The following RAB3B variants were observed in gnomAD, a reference collection of about 807,000 sequenced individuals.
The protein encoded by RAB3B is RAB3B, member RAS oncogene family.
RAB3B carries 11 observed loss-of-function variants against 20.5 expected under a neutral mutation model. The observed-to-expected ratio is 0.54, with a 90% CI of 0.34 to 0.89. The LOEUF (loss-of-function observed/expected upper bound fraction) is 0.89, where lower values mean the gene tolerates loss of function less well. RAB3B is among the 40% of genes least tolerant of loss of function. The probability of loss-of-function intolerance (pLI) is 0.02; values close to 1 mark genes in which losing one functional copy is unlikely to be tolerated. For missense variants in RAB3B, 225 were observed against 280.9 expected (o/e 0.80, Z 1.42); for synonymous variants, 99 against 106.3 (o/e 0.93, Z 0.42).
At chr1:51,980,117 T>A (rs936074912) in intron 1 of RAB3B, among the ~76,000 whole-genome samples, 1 of 151,864 alleles carries the variant, frequency 6.6e-6, no homozygotes, top group Non-Finnish European at 1.5e-5. Context: ...TTTCCTCCAA[T>A]ATTTTTTCAT....
At chr1:51,973,696 G>A (rs1364551923) in intron 2 of RAB3B, among the ~76,000 whole-genome samples, 2 of 152,266 alleles carry the variant, frequency 1.3e-5, no homozygotes, top group Admixed American at 6.5e-5. Flanking sequence ...TATCCATTAT[G>A]AGGTTTCATT....
intron 2 of RAB3B, among the ~76,000 whole-genome samples, chr1:51,966,576 G>T (rs1017246581): frequency 1.2e-4 from 19 of 152,182 alleles, no homozygotes; most frequent in African/African-American, 4.6e-4. Context: ...AATTACAGAG[G>T]CCAACTAAGC....
intron 2 of RAB3B, among the ~76,000 whole-genome samples, chr1:51,961,293 G>T (rs1286142510): frequency 6.6e-6 from 1 of 152,146 alleles, no homozygotes; most frequent in Non-Finnish European, 1.5e-5. Flanking sequence ...TGGTAGAAAA[G>T]GAGGGGAGCT....
At chr1:51,957,557 A>G (rs541499483) in intron 2 of RAB3B, among the ~76,000 whole-genome samples, 2 of 152,342 alleles carry the variant, frequency 1.3e-5, no homozygotes, top group Admixed American at 6.5e-5. Flanking sequence ...TAACTGCAAA[A>G]CAGGTTTCAT....
At chr1:51,937,480 C>A in intron 2 of RAB3B, 68 bp from the exon 3 acceptor site, 3 of 1,040,610 alleles carry the variant, frequency 2.9e-6, no homozygotes, top group Non-Finnish European at 4.2e-6. Flanking sequence ...GTCCCCAGGA[C>A]AATTAACTAA....
Position 51,909,081 on chromosome 1 carries a change from T to G in RAB3B, c.*10846A>C, listed in dbSNP as rs948075596. The G allele has an allele frequency of 1.3e-5, 2 of 152,296 alleles. No individual in the cohort carries two copies. Among genetic ancestry groups the G allele is most frequent in the Non-Finnish European group, 2.9e-5 (2 of 68,116 alleles). 9.4% of individuals were successfully genotyped at this position (152,296 alleles called of 1,614,324 possible). A position where few individuals can be genotyped will look rare whatever the true frequency, so the allele number is the denominator to read the frequency against. ...CCCAGCATGTAGTGGCTGATTCTTCTTGGCTGCTTTTAGCCTCCAGAAGTT... is the reference window on the plus strand; with the variant it reads ...CCCAGCATGTAGTGGCTGATTCTTCGTGGCTGCTTTTAGCCTCCAGAAGTT... On this transcript the variant is annotated 3_prime_UTR_variant, in exon 5 of 5. Coordinates refer to ENST00000371655, the MANE Select transcript of RAB3B (RefSeq NM_002867.4).
intron 1 of RAB3B, among the ~76,000 whole-genome samples, chr1:51,986,718 G>T (rs1685156336): frequency 6.6e-6 from 1 of 152,212 alleles, no homozygotes; most frequent in Admixed American, 6.5e-5. Flanking sequence ...TGCACACACA[G>T]CATGGCTTTC....
At chr1:51,961,990 T>C (rs1684790459) in intron 2 of RAB3B, among the ~76,000 whole-genome samples, 1 of 152,180 alleles carries the variant, frequency 6.6e-6, no homozygotes, top group South Asian at 2.1e-4. Flanking sequence ...AAGGCCGGTC[T>C]CAAACACCTG....
chr1:51,972,939 T>G (rs537890878), intron 2 of RAB3B, among the ~76,000 whole-genome samples: 1 of 152,374 alleles, frequency 6.6e-6, no homozygotes, highest in South Asian at 2.1e-4. Flanking sequence ...TTATTAATTT[T>G]TAGATAGCCT....
At chr1:51,958,472 C>A (rs959395772) in intron 2 of RAB3B, among the ~76,000 whole-genome samples, 1 of 152,116 alleles carries the variant, frequency 6.6e-6, no homozygotes, top group Non-Finnish European at 1.5e-5. Context: ...GCCTGTAATC[C>A]TAGCACTTTG....
chr1:51,987,319 AG>A (rs1685165906), intron 1 of RAB3B, among the ~76,000 whole-genome samples: 1 of 152,228 alleles, frequency 6.6e-6, no homozygotes, highest in African/African-American at 2.4e-5. Context: ...GGCATTTGAA[AG>A]ATAAGCCCTG....
chr1:51,969,074 C>T (rs142949914), intron 2 of RAB3B, among the ~76,000 whole-genome samples: 94 of 152,304 alleles, frequency 6.2e-4, no homozygotes, highest in Middle Eastern at 6.8e-3. Context: ...GCAGGCAGAT[C>T]ACTTGAGCTC....
chr1:51,983,290 C>A (rs931034115), intron 1 of RAB3B, among the ~76,000 whole-genome samples: 1 of 151,960 alleles, frequency 6.6e-6, no homozygotes, highest in Non-Finnish European at 1.5e-5. Flanking sequence ...CCACTGCATT[C>A]CAGCTTGGGT....
At chr1:51,969,940 C>A (rs954260680) in intron 2 of RAB3B, among the ~76,000 whole-genome samples, 1 of 151,930 alleles carries the variant, frequency 6.6e-6, no homozygotes, top group African/African-American at 2.4e-5. Flanking sequence ...CATAGCCAGG[C>A]ACACCTGTAG....
At chr1:51,943,792 G>A (rs1389437537) in intron 2 of RAB3B, among the ~76,000 whole-genome samples, 2 of 152,222 alleles carry the variant, frequency 1.3e-5, no homozygotes, top group Non-Finnish European at 2.9e-5. Flanking sequence ...GGCTGAGAGA[G>A]GTGAAGGAAC....
intron 2 of RAB3B, among the ~76,000 whole-genome samples, chr1:51,974,199 T>C (rs188853529): frequency 7.9e-5 from 12 of 152,354 alleles, no homozygotes; most frequent in African/African-American, 2.6e-4. Flanking sequence ...CACATCCCCC[T>C]GTGCATGGAA....
intron 2 of RAB3B, among the ~76,000 whole-genome samples, chr1:51,947,471 T>G (rs1197444811): frequency 6.6e-6 from 1 of 152,060 alleles, no homozygotes; most frequent in Non-Finnish European, 1.5e-5. Flanking sequence ...CCAACCTGAT[T>G]TGTATTCTTG....
At chr1:51,944,302 CT>C (rs1684534344) in intron 2 of RAB3B, among the ~76,000 whole-genome samples, 1 of 152,122 alleles carries the variant, frequency 6.6e-6, no homozygotes, top group Admixed American at 6.5e-5. Flanking sequence ...AAAAATATTC[CT>C]TTCATAATAT....
Position 51,914,687 on chromosome 1 carries a change from C to T in RAB3B, c.*5240G>A, listed in dbSNP as rs1022991287. 2.0e-5 allele frequency: 3 copies of T among 152,160 alleles called. No homozygotes were observed. The highest frequency in any genetic ancestry group is 7.2e-5 in the African/African-American group (3 of 41,438). 9.4% of individuals were successfully genotyped at this position (152,160 alleles called of 1,614,324 possible). On this transcript the variant is annotated 3_prime_UTR_variant, in exon 5 of 5. Coordinates refer to ENST00000371655, the MANE Select transcript of RAB3B (RefSeq NM_002867.4). Reference sequence around the variant, plus strand: ...AGTGTTTTGCATTTACTTCCAGCCACAGGATGCTACTTGATTCCCCAACTA... The same window carrying T: ...AGTGTTTTGCATTTACTTCCAGCCATAGGATGCTACTTGATTCCCCAACTA...
Sources: gnomAD v4.1 joint callset for allele counts (sites outside exome capture counted in the v4.1 genomes callset) on GRCh38, gnomAD v4.1.1 for gene constraint, MANE v1.5 for transcripts, NCBI Gene and HGNC (gene_info 2026-07-23, HGNC 2026-07-21) for gene names.